The following PKP1 variants were observed in gnomAD, a reference collection of about 807,000 sequenced individuals.
PKP1 encodes the protein plakophilin-1.
A neutral mutation model predicts 76.4 loss-of-function variants in PKP1; 27 were observed. The ratio of observed to expected loss-of-function variants is 0.35; its 90% CI spans 0.26 to 0.49. The LOEUF (loss-of-function observed/expected upper bound fraction) is 0.49. Ranked by LOEUF, PKP1 falls within the 20% of genes least tolerant of loss-of-function variation. The pLI, the probability that PKP1 is intolerant of heterozygous loss-of-function variation, is 0.99. For synonymous variants in PKP1, 404 were observed against 384.2 expected (o/e 1.05, Z -0.60); for missense variants, 964 against 955.2 (o/e 1.01, Z -0.12).
rs79685836 is a variant in PKP1, at chr1:201,325,494, G to A, written c.2022-260G>A. Among the ~76,000 whole-genome samples the A allele has an allele frequency of 0.15, 22,497 of 152,106 alleles. 2,251 individuals carry two copies. Among genetic ancestry groups the A allele is most frequent in the African/African-American group, 0.29 (11,917 of 41,458 alleles). The stretch of plus-strand genomic sequence containing the variant: ...TCCCCGGACAAGGCTGGGGACTGGA[G>A]TGGAAGAGCACTGCCACCTCATGGC... On this transcript the variant is annotated intron_variant, in intron 11 of 13. Transcript: ENST00000367324.
At chr1:201,329,310 C>T (rs1657239310) in intron 13 of PKP1, among the ~76,000 whole-genome samples, 1 of 152,148 alleles carries the variant, frequency 6.6e-6, no homozygotes, top group African/African-American at 2.4e-5. Context: ...AGTTTATTTC[C>T]AGCTGATGAT....
rs547319867 is a variant in PKP1, at chr1:201,309,713, T to C, written c.307-3453T>C. On this transcript the variant is annotated intron_variant, in intron 2 of 13. Coordinates refer to ENST00000367324, the MANE Select transcript of PKP1 (RefSeq NM_001005337.3). ...CACGTGCACTGCCCGTGCATCCTCT[T>C]CTGGCTGCAGCTGCTCTCTCGGGAC... is the stretch of plus-strand genomic sequence containing the variant. Among the ~76,000 whole-genome samples the C allele has an allele frequency of 1.1e-3, 174 of 152,174 alleles. 1 individual carries two copies. The highest frequency in any genetic ancestry group is 2.3e-3 in the Non-Finnish European group (156 of 68,036).
chr1:201,319,748 T>C, intron 6 of PKP1: 1 of 1,534,440 alleles, frequency 6.5e-7, no homozygotes, highest in Non-Finnish European at 9.0e-7. Context: ...GAGCTTCTGG[T>C]GCCCAGCCCG....
At chr1:201,289,887 G>C (rs188989451) in intron 1 of PKP1, among the ~76,000 whole-genome samples, 2 of 152,274 alleles carry the variant, frequency 1.3e-5, no homozygotes, top group East Asian at 3.9e-4. Flanking sequence ...AATGCAGGGG[G>C]AGGGTTGGAG....
In PKP1 at chr1:201,327,710, C is replaced by G. The variant is rs573650993; in HGVS notation, c.2107-1052C>G. ...TTGGGAACCAGCGTCCCCATTCAGTCTCCACTCCTCCTTCCAGCTATGCTT... is the reference window on the plus strand; with the variant it reads ...TTGGGAACCAGCGTCCCCATTCAGTGTCCACTCCTCCTTCCAGCTATGCTT... On this transcript the variant is annotated intron_variant, in intron 12 of 13. Transcript: ENST00000367324. Among the ~76,000 whole-genome samples the G allele has an allele frequency of 2.6e-5, 4 of 152,100 alleles. No individual in the cohort carries two copies. The East Asian group carries it at 7.7e-4, about 29-fold the overall frequency.
At chr1:201,302,646 G>C (rs1656267739) in intron 2 of PKP1, among the ~76,000 whole-genome samples, 1 of 152,194 alleles carries the variant, frequency 6.6e-6, no homozygotes, top group African/African-American at 2.4e-5. Flanking sequence ...GCCTGCCCCA[G>C]GAGAGCAAAC....
chr1:201,305,914 G>C (rs1656354615), intron 2 of PKP1, among the ~76,000 whole-genome samples: 1 of 152,174 alleles, frequency 6.6e-6, no homozygotes, highest in African/African-American at 2.4e-5. Flanking sequence ...AAAGCCAGGA[G>C]CTATGACCTC....
Position 201,301,246 on chromosome 1 carries a change from G to A in PKP1, c.306+7201G>A, listed in dbSNP as rs972320309. ...AGGATGTGCAGGGAGACTTGTCACT[G>A]CTAAGGGACTCAGTGTGGCAGCTGC... On this transcript the variant is annotated intron_variant, in intron 2 of 13. Transcript: ENST00000367324. Among the ~76,000 whole-genome samples the A allele has an allele frequency of 6.6e-5, 10 of 152,304 alleles. No homozygotes were observed. In the South Asian group the frequency reaches 1.5e-3, roughly 22 times the overall value.
At chr1:201,328,543 T>C (rs1657216480) in intron 12 of PKP1, 2 of 606,620 alleles carry the variant, frequency 3.3e-6, no homozygotes, top group African/African-American at 3.7e-5. Flanking sequence ...AATTCACATG[T>C]GTCAGTGGAA....
intron 9 of PKP1, among the ~76,000 whole-genome samples, chr1:201,323,605 C>A (rs765935822): frequency 6.6e-6 from 1 of 152,144 alleles, no homozygotes; most frequent in East Asian, 1.9e-4. Flanking sequence ...TGACAGAATC[C>A]GTGCAGATGT....
At chr1:201,296,372 A>T (rs1656069261) in intron 2 of PKP1, among the ~76,000 whole-genome samples, 1 of 152,236 alleles carries the variant, frequency 6.6e-6, no homozygotes, top group Admixed American at 6.5e-5. Context: ...GGATTTTCCC[A>T]TGGATGGTAC....
At position 201,283,628 on chromosome 1, in the gene PKP1, G is replaced by T. The variant is rs750860726; in HGVS notation, c.-75G>T. 1.5e-5 allele frequency: 20 copies of T among 1,326,774 alleles called. No individual in the cohort carries two copies. Among genetic ancestry groups the T allele is most frequent in the East Asian group, 5.0e-5 (2 of 40,266 alleles). 82.2% of individuals were successfully genotyped at this position (1,326,774 alleles called of 1,614,324 possible). A position where few individuals can be genotyped will look rare whatever the true frequency, so the allele number is the denominator to read the frequency against. On this transcript the variant is annotated 5_prime_UTR_variant, in exon 1 of 14. Transcript: ENST00000367324. ...GAGCGAGAAGAGCACGCTCCTGCCC[G>T]CCCGCTGCACCGCACCTCGCCTCGC... is the stretch of plus-strand genomic sequence containing the variant.
At chr1:201,292,898 G>A (rs529358893) in intron 1 of PKP1, among the ~76,000 whole-genome samples, 20 of 152,340 alleles carry the variant, frequency 1.3e-4, no homozygotes, top group South Asian at 4.1e-4. Context: ...GGAATGGGAC[G>A]CAGGGCAGAA....
At chr1:201,327,399 A>G (rs1657160072) in intron 12 of PKP1, among the ~76,000 whole-genome samples, 1 of 152,216 alleles carries the variant, frequency 6.6e-6, no homozygotes, top group Admixed American at 6.5e-5. Context: ...ATGATTGGGG[A>G]AATCTGAAGG....
At chr1:201,321,630 A>ACACACAC (rs1656941329) in intron 7 of PKP1, among the ~76,000 whole-genome samples, 4 of 152,096 alleles carry the variant, frequency 2.6e-5, no homozygotes, top group Non-Finnish European at 5.9e-5. Flanking sequence ...CATGTTGTCC[A>ACACACAC]TAGCAGTCCT....
intron 4 of PKP1, 34 bp from the exon 5 acceptor site, chr1:201,317,538 T>G (rs1452233261): frequency 6.3e-7 from 1 of 1,578,106 alleles, no homozygotes; most frequent in Non-Finnish European, 8.7e-7. Flanking sequence ...CTCATCTCCC[T>G]TGACCAGGCA....
chr1:201,295,417 C>A (rs555103364), intron 2 of PKP1, among the ~76,000 whole-genome samples: 3 of 151,754 alleles, frequency 2.0e-5, no homozygotes, highest in Admixed American at 6.6e-5. Context: ...ATAAACCCAG[C>A]ACACTGAGCC....
rs746713162 is a variant in PKP1 at position 201,283,916 on chromosome 1, G to C, written c.202+12G>C. On this transcript the variant is annotated intron_variant, in intron 1 of 13. Coordinates refer to ENST00000367324, the MANE Select transcript of PKP1 (RefSeq NM_001005337.3). ...CCACTCCAATCGAGGTAAAGGCTCG[G>C]CCCCCGCGTGGTCCGTGCGCCCCTT... 1.9e-6 allele frequency: 3 copies of C among 1,612,316 alleles called. No homozygotes were observed. The highest frequency in any genetic ancestry group is 1.7e-5 in the Admixed American group (1 of 59,998).
At chr1:201,297,437 A>G (rs931673585) in intron 2 of PKP1, among the ~76,000 whole-genome samples, 1 of 152,198 alleles carries the variant, frequency 6.6e-6, no homozygotes, top group Non-Finnish European at 1.5e-5. Context: ...TCTCAGCTGC[A>G]TACTCAGCTA....
Sources: gnomAD v4.1 joint callset for allele counts (sites outside exome capture counted in the v4.1 genomes callset) on GRCh38, gnomAD v4.1.1 for gene constraint, MANE v1.5 for transcripts, NCBI Gene and HGNC (gene_info 2026-07-23, HGNC 2026-07-21) for gene names.